The following BBS9 variants were observed in gnomAD, a reference collection of about 807,000 sequenced individuals.
The protein encoded by BBS9 is protein PTHB1.
Under a neutral mutation model 117.7 loss-of-function variants are expected in BBS9, and 89 were observed. That is an observed-to-expected ratio of 0.76 (90% CI 0.64 to 0.90). BBS9 has a LOEUF of 0.90. BBS9 is among the 40% of genes least tolerant of loss of function. The probability of loss-of-function intolerance (pLI) is 0.00; values close to 1 mark genes in which losing one functional copy is unlikely to be tolerated. For synonymous variants in BBS9, 379 were observed against 370.9 expected, an observed-to-expected ratio of 1.02 and a Z score of -0.25; for missense variants, 982 against 1,042.2, an observed-to-expected ratio of 0.94 and a Z score of 0.80.
chr7:33,417,702 G>T (rs1424729319), intron 19 of BBS9, among the ~76,000 whole-genome samples: 1 of 152,186 alleles, frequency 6.6e-6, no homozygotes, highest in Non-Finnish European at 1.5e-5. Context: ...AGATTTTCTA[G>T]CTAATCAGAG....
Position 33,344,078 on chromosome 7 carries a change from G to GTTTTTT in BBS9, c.1276-483_1276-478dup, listed in dbSNP as rs34530007. ...CTTTTCTTTCCTTTTTAGGGGATGA[G>GTTTTTT]TTTTTTTTTTTTTTTTTTTTTTTTT... On this transcript the variant is annotated intron_variant, in intron 11 of 22. Coordinates refer to ENST00000242067, the MANE Select transcript of BBS9 (RefSeq NM_198428.3). Among the ~76,000 whole-genome samples, 114 of 67,504 alleles carry GTTTTTT rather than the reference G, an allele frequency of 1.7e-3. 2 individuals carry two copies. The highest frequency in any genetic ancestry group is 5.9e-3 in the African/African-American group (89 of 15,124). 44.3% of individuals were successfully genotyped at this position (67,504 alleles called of 152,430 possible).
intron 19 of BBS9, among the ~76,000 whole-genome samples, chr7:33,463,707 G>T (rs1839799048): frequency 6.6e-6 from 1 of 151,988 alleles, no homozygotes; most frequent in African/African-American, 2.4e-5. Flanking sequence ...AAGTATTTTA[G>T]ACAGTTAAGC....
chr7:33,346,121 A>ATTGT, intron 12 of BBS9: 1 of 310,764 alleles, frequency 3.2e-6, no homozygotes, highest in South Asian at 2.9e-5. Context: ...GGTGCAGAAA[A>ATTGT]TTGGTGGGAC....
At position 33,323,961 on chromosome 7, in the gene BBS9, T is replaced by C. The variant is rs965005766; in HGVS notation, c.1017-12480T>C. ...CAAGCAATTCTCCTGCGTCAGCCTC[T>C]CGAGCAGCTGAGATTACAGGCAGGT... On this transcript the variant is annotated intron_variant, in intron 9 of 22. Transcript: ENST00000242067. Among the ~76,000 whole-genome samples, 74 of 150,356 alleles carry C rather than the reference T, an allele frequency of 4.9e-4. 1 individual carries two copies. In the Admixed American group the frequency reaches 4.9e-3, roughly 10 times the overall value.
At chr7:33,397,511 T>C (rs1229068246) in intron 19 of BBS9, among the ~76,000 whole-genome samples, 1 of 152,150 alleles carries the variant, frequency 6.6e-6, no homozygotes, top group Non-Finnish European at 1.5e-5. Flanking sequence ...TAAAAATACA[T>C]GTATGCATAT....
At chr7:33,459,287 T>C (rs73317012) in intron 19 of BBS9, among the ~76,000 whole-genome samples, 1 of 151,996 alleles carries the variant, frequency 6.6e-6, no homozygotes, top group Non-Finnish European at 1.5e-5. Flanking sequence ...TGGTTCTCAA[T>C]TGGGAGTGGG....
chr7:33,453,751 C>G (rs1838237706), intron 19 of BBS9, among the ~76,000 whole-genome samples: 1 of 152,162 alleles, frequency 6.6e-6, no homozygotes, highest in African/African-American at 2.4e-5. Flanking sequence ...AACTCCCGAC[C>G]TCAGGTGATC....
At chr7:33,473,331 C>T (rs1358640021) in intron 19 of BBS9, among the ~76,000 whole-genome samples, 1 of 148,986 alleles carries the variant, frequency 6.7e-6, no homozygotes, top group Non-Finnish European at 1.5e-5. Flanking sequence ...ACCCCCTCAC[C>T]CCCCCGCCCC....
intron 21 of BBS9, among the ~76,000 whole-genome samples, chr7:33,539,464 G>T (rs1171918804): frequency 6.6e-6 from 1 of 152,196 alleles, no homozygotes; most frequent in Non-Finnish European, 1.5e-5. Context: ...TGCAGCCATT[G>T]TCCTTATAAC....
rs138399051 is a variant in BBS9 at position 33,617,175 on chromosome 7, A to C, written c.2522-18002A>C. 5.2e-3 allele frequency among the ~76,000 whole-genome samples: 799 copies of C among 152,244 alleles called. 7 individuals carry two copies. Among genetic ancestry groups the C allele is most frequent in the African/African-American group, 0.019 (781 of 41,558 alleles). On this transcript the variant is annotated intron_variant, in intron 21 of 21. Transcript: ENST00000671952. ...TCAATGCTAATGATCTAAATACACC[A>C]ATTAAAAGATACATTGTCTTAATGA...
intron 20 of BBS9, 174 bp downstream of exon 20, chr7:33,505,819 T>C: frequency 1.5e-6 from 1 of 681,786 alleles, no homozygotes; most frequent in East Asian, 2.8e-5. Flanking sequence ...CAAAGGCCTT[T>C]TTCTGTAGAG....
At chr7:33,610,428 C>T (rs1157849935), downstream of BBS9, among the ~76,000 whole-genome samples, 1 of 152,110 alleles carries the variant, frequency 6.6e-6, no homozygotes, top group Non-Finnish European at 1.5e-5. Flanking sequence ...AAGGGTCCAA[C>T]TCCCACTTCC....
chr7:33,268,720 G>A (rs1799243612), intron 7 of BBS9, among the ~76,000 whole-genome samples: 1 of 152,102 alleles, frequency 6.6e-6, no homozygotes, highest in Non-Finnish European at 1.5e-5. Flanking sequence ...ATTTCCCTAA[G>A]TGGAGGTCAC....
intron 9 of BBS9, among the ~76,000 whole-genome samples, chr7:33,309,266 AG>A (rs1808672199): frequency 6.6e-6 from 1 of 152,192 alleles, no homozygotes; most frequent in African/African-American, 2.4e-5. Context: ...GCCTAGACTA[AG>A]GTAGTGGTGA....
intron 7 of BBS9, among the ~76,000 whole-genome samples, chr7:33,270,137 G>A: frequency 6.6e-6 from 1 of 151,752 alleles, no homozygotes; most frequent in East Asian, 1.9e-4. Context: ...CCAAAGGCAA[G>A]AATTTAGCTA....
intron 21 of BBS9, among the ~76,000 whole-genome samples, chr7:33,632,483 G>A (rs1307941822): frequency 6.6e-6 from 1 of 152,198 alleles, no homozygotes; most frequent in Non-Finnish European, 1.5e-5. Context: ...GCGCTCCACC[G>A]GCGCCCTCGC....
At chr7:33,607,614 T>A (rs1864650076), downstream of BBS9, among the ~76,000 whole-genome samples, 1 of 152,128 alleles carries the variant, frequency 6.6e-6, no homozygotes, top group Non-Finnish European at 1.5e-5. Flanking sequence ...ATTCTGCATT[T>A]TCTTGCACAC....
At chr7:33,361,391 G>T (rs1336063444) in intron 16 of BBS9, among the ~76,000 whole-genome samples, 1 of 152,124 alleles carries the variant, frequency 6.6e-6, no homozygotes, top group African/African-American at 2.4e-5. Context: ...TTGTTTGGAG[G>T]TGTCATGTAC....
At chr7:33,601,809 T>C (rs1563433375) in intron 21 of BBS9, among the ~76,000 whole-genome samples, 1 of 152,174 alleles carries the variant, frequency 6.6e-6, no homozygotes, top group Non-Finnish European at 1.5e-5. Flanking sequence ...CACAGCCCCT[T>C]GATCTCCCAG....
Sources: allele counts gnomAD v4.1 joint callset (sites outside exome capture counted in the v4.1 genomes callset), GRCh38; gene constraint gnomAD v4.1.1; transcripts MANE v1.5; gene names NCBI Gene and HGNC (gene_info 2026-07-23, HGNC 2026-07-21).